The following IGFL4 variants were observed in gnomAD, a reference collection of about 807,000 sequenced individuals.
IGFL4 encodes the protein IGF like family member 4, also known as insulin growth factor-like family member 4.
Under a neutral mutation model 15.4 loss-of-function variants are expected in IGFL4, and 12 were observed. The observed-to-expected ratio is 0.78, with a 90% CI of 0.50 to 1.26. IGFL4 has a LOEUF of 1.26. Ranked by LOEUF, IGFL4 falls within the 50% of genes most tolerant of loss-of-function variation. The pLI is 0.00. For missense variants in IGFL4, 126 were observed against 147.8 expected, an observed-to-expected ratio of 0.85 and a Z score of 0.76; for synonymous variants, 54 against 55.9, an observed-to-expected ratio of 0.97 and a Z score of 0.16.
At chr19:46,053,054 AC>A (rs1600672769) in intron 2 of IGFL4, among the ~76,000 whole-genome samples, 1 of 151,860 alleles carries the variant, frequency 6.6e-6, no homozygotes, top group East Asian at 1.9e-4. Flanking sequence ...CTGTTTCTGT[AC>A]CCTTTATGCA....
At chr19:46,062,275 G>C (rs997575355) in intron 1 of IGFL4, among the ~76,000 whole-genome samples, 1 of 152,154 alleles carries the variant, frequency 6.6e-6, no homozygotes, top group Admixed American at 6.5e-5. Flanking sequence ...CAAGATGGTT[G>C]GTGGAGGGGA....
chr19:46,053,893 A>G (rs1969370199), intron 2 of IGFL4, among the ~76,000 whole-genome samples: 1 of 152,108 alleles, frequency 6.6e-6, no homozygotes, highest in African/African-American at 2.4e-5. Flanking sequence ...GTTTTTTCAT[A>G]TATCTGTTGC....
intron 1 of IGFL4, among the ~76,000 whole-genome samples, chr19:46,076,413 CATT>C (rs1969596238): frequency 6.6e-6 from 1 of 152,098 alleles, no homozygotes. Context: ...GGGGTTATAT[CATT>C]ATTGTAATTG....
intron 1 of IGFL4, among the ~76,000 whole-genome samples, chr19:46,064,031 C>T (rs1041894023): frequency 4.3e-4 from 64 of 150,008 alleles, no homozygotes; most frequent in African/African-American, 1.5e-3. Context: ...AAGATAGCAC[C>T]ACTGTACTCC....
intron 2 of IGFL4, among the ~76,000 whole-genome samples, chr19:46,049,897 C>T (rs748703940): frequency 6.6e-6 from 1 of 152,162 alleles, no homozygotes; most frequent in Non-Finnish European, 1.5e-5. Context: ...AGCCAAGGAC[C>T]CTCACAGAGT....
At chr19:46,041,828 C>CCT (rs777673835), upstream of IGFL4, among the ~76,000 whole-genome samples, 33 of 143,022 alleles carry the variant, frequency 2.3e-4, no homozygotes, top group Non-Finnish European at 3.0e-4. Context: ...CCTCCTCCCT[C>CCT]CTCTCTCTCT....
chr19:46,062,778 G>A (rs1370916260), intron 1 of IGFL4: 1 of 152,274 alleles, frequency 6.6e-6, no homozygotes, highest in East Asian at 1.9e-4. Flanking sequence ...TGAATCAAAA[G>A]TTTAGGCCGC....
chr19:46,040,719 C>T lies in IGFL4; in HGVS notation c.20-151G>A, dbSNP rs1325814639. 1 of 1,013,130 alleles carries T rather than the reference C, an allele frequency of 9.9e-7. No homozygotes were observed. The highest frequency in any genetic ancestry group is 1.6e-5 in the African/African-American group (1 of 62,286). 62.8% of individuals were successfully genotyped at this position (1,013,130 alleles called of 1,614,324 possible). ...GTGGGTGCAGGTCCTGGGGACTGGG[C>T]TTGGCAGGTGAGGAAAGGCAGGGAG... On this transcript the variant is annotated intron_variant, in intron 1 of 3. Transcript: ENST00000377697. This position sits in a 1 kb window ranked among gnomAD's most constrained non-coding sequence, Gnocchi z 4.1.
At chr19:46,046,985 T>C (rs1171544721) in intron 2 of IGFL4, among the ~76,000 whole-genome samples, 1 of 152,196 alleles carries the variant, frequency 6.6e-6, no homozygotes, top group Non-Finnish European at 1.5e-5. Context: ...CACTCTAAAA[T>C]TGATCACAAA....
intron 2 of IGFL4, among the ~76,000 whole-genome samples, chr19:46,050,624 A>C (rs1350285862): frequency 6.6e-6 from 1 of 152,210 alleles, no homozygotes; most frequent in African/African-American, 2.4e-5. Flanking sequence ...AGACAAAGAA[A>C]AAAGAATTTT....
At chr19:46,045,070 A>G (rs1384693447), upstream of IGFL4, among the ~76,000 whole-genome samples, 2 of 152,216 alleles carry the variant, frequency 1.3e-5, no homozygotes, top group Non-Finnish European at 2.9e-5. Context: ...TTCTCTTCCA[A>G]ATGACCACAG....
upstream of IGFL4, among the ~76,000 whole-genome samples, chr19:46,044,032 T>C (rs542520890): frequency 2.8e-4 from 42 of 152,212 alleles, no homozygotes; most frequent in Middle Eastern, 6.8e-3. Context: ...TCTCAACCCA[T>C]GGAGAACGAA....
chr19:46,044,158 T>G (rs1359015618), upstream of IGFL4, among the ~76,000 whole-genome samples: 1 of 152,146 alleles, frequency 6.6e-6, no homozygotes, highest in Admixed American at 6.5e-5. Flanking sequence ...AAACCATGCT[T>G]CTCCCATGGA....
At chr19:46,050,773 T>C (rs941302117) in intron 2 of IGFL4, among the ~76,000 whole-genome samples, 1 of 152,200 alleles carries the variant, frequency 6.6e-6, no homozygotes, top group African/African-American at 2.4e-5. Context: ...AAAACTTCCC[T>C]GGCCTTGCTA....
chr19:46,069,441 T>C (rs1969525133), intron 1 of IGFL4, among the ~76,000 whole-genome samples: 1 of 152,238 alleles, frequency 6.6e-6, no homozygotes, highest in South Asian at 2.1e-4. Context: ...TGATAATTTT[T>C]ATCATGCTTC....
chr19:46,045,219 T>C (rs1477317649), upstream of IGFL4, among the ~76,000 whole-genome samples: 1 of 151,888 alleles, frequency 6.6e-6, no homozygotes, highest in Admixed American at 6.6e-5. Context: ...CCGAGGCAGG[T>C]GGATCACGAG....
chr19:46,053,416 T>C (rs1969366202), intron 2 of IGFL4, among the ~76,000 whole-genome samples: 1 of 152,148 alleles, frequency 6.6e-6, no homozygotes, highest in African/African-American at 2.4e-5. Flanking sequence ...GGTTTTACCA[T>C]GTTGGCCAGG....
chr19:46,048,333 T>C (rs1436144642), intron 2 of IGFL4, among the ~76,000 whole-genome samples: 1 of 152,148 alleles, frequency 6.6e-6, no homozygotes, highest in African/African-American at 2.4e-5. Context: ...GGTAAAAGCT[T>C]GAAGCATTCC....
chr19:46,075,242 T>G (rs1025773926), intron 1 of IGFL4, among the ~76,000 whole-genome samples: 2 of 152,246 alleles, frequency 1.3e-5, no homozygotes, highest in African/African-American at 4.8e-5. Flanking sequence ...CGTTAGTAAC[T>G]AAAGTCCATA....
Sources: allele counts gnomAD v4.1 joint callset (sites outside exome capture counted in the v4.1 genomes callset), GRCh38; gene constraint gnomAD v4.1.1; non-coding constraint Gnocchi (gnomAD v3.1); transcripts MANE v1.5; gene names NCBI Gene and HGNC (gene_info 2026-07-23, HGNC 2026-07-21).